PIK3CD: variants seen among roughly 807,000 people sequenced by gnomAD.
PIK3CD encodes phosphatidylinositol 4,5-bisphosphate 3-kinase catalytic subunit delta isoform.
In PIK3CD, 20 loss-of-function variants were observed where a neutral mutation model predicts 122.9. The observed-to-expected ratio is 0.16, with a 90% CI of 0.11 to 0.24. The LOEUF (loss-of-function observed/expected upper bound fraction) is 0.24. Ranked by LOEUF, PIK3CD falls within the 10% of genes least tolerant of loss-of-function variation. The pLI, the probability that PIK3CD is intolerant of heterozygous loss-of-function variation, is 1.00. For synonymous variants in PIK3CD, 596 were observed against 593.4 expected, an observed-to-expected ratio of 1.00 and a Z score of -0.06; for missense variants, 787 against 1,406.3, an observed-to-expected ratio of 0.56 and a Z score of 7.04.
At chr1:9,640,264 T>A in the PIK3CD span, among the ~76,000 whole-genome samples, 1 of 152,080 alleles carries the variant, frequency 6.6e-6, no homozygotes, top group Non-Finnish European at 1.5e-5. Context: ...TGGTTCCTTT[T>A]GTGGAGGAAA....
At chr1:9,638,503 C>T in the PIK3CD span, among the ~76,000 whole-genome samples, 83 of 151,990 alleles carry the variant, frequency 5.5e-4, 1 homozygote, top group Non-Finnish European at 9.1e-4. Context: ...GAGGCCGAGG[C>T]GGGCGGATCA....
the PIK3CD span, among the ~76,000 whole-genome samples, chr1:9,640,209 G>A: frequency 5.3e-5 from 8 of 151,882 alleles, no homozygotes; most frequent in African/African-American, 1.5e-4. Flanking sequence ...TCATCTGTCC[G>A]TTTCTTGCCC....
At chr1:9,664,302 G>T (rs899989399) in intron 1 of PIK3CD, among the ~76,000 whole-genome samples, 1 of 152,104 alleles carries the variant, frequency 6.6e-6, no homozygotes, top group African/African-American at 2.4e-5. Flanking sequence ...ACCTGCCTTG[G>T]CCTCCCAAAG....
chr1:9,669,852 G>A (rs772002600), intron 1 of PIK3CD, among the ~76,000 whole-genome samples: 27 of 152,156 alleles, frequency 1.8e-4, no homozygotes, highest in Middle Eastern at 3.4e-3. Flanking sequence ...CAACTTTCTC[G>A]TTACACATCC....
At chr1:9,690,315 T>C (rs1343055744) in intron 1 of PIK3CD, among the ~76,000 whole-genome samples, 1 of 152,220 alleles carries the variant, frequency 6.6e-6, no homozygotes, top group Non-Finnish European at 1.5e-5. Flanking sequence ...CCCGAATTCC[T>C]GAGGATGAAT....
chr1:9,674,504 A>G (rs191456501), intron 1 of PIK3CD, among the ~76,000 whole-genome samples: 125 of 152,068 alleles, frequency 8.2e-4, no homozygotes, highest in African/African-American at 2.9e-3. Context: ...AGTCTGACCA[A>G]TATGGTGAAA....
the PIK3CD span, among the ~76,000 whole-genome samples, chr1:9,638,224 G>A: frequency 2.0e-5 from 3 of 152,126 alleles, no homozygotes; most frequent in Non-Finnish European, 4.4e-5. Flanking sequence ...GATGGGTCTA[G>A]GAAAGATCCT....
chr1:9,665,340 C>T (rs1382039028), intron 1 of PIK3CD, among the ~76,000 whole-genome samples: 2 of 151,780 alleles, frequency 1.3e-5, no homozygotes, highest in African/African-American at 4.8e-5. Context: ...TCCAAAGCCC[C>T]AGTAGTTACC....
In PIK3CD at chr1:9,721,468, G is replaced by A. The variant is rs1348510519; in HGVS notation, c.1836G>A (p.Leu612=). 1 of 1,613,680 alleles carries A rather than the reference G, an allele frequency of 6.2e-7. No individual in the cohort carries two copies. Among genetic ancestry groups the A allele is most frequent in the Non-Finnish European group, 8.5e-7 (1 of 1,180,022 alleles). ...KLTDDELFQY[L]LQLVQVLKYE... is the part of the protein sequence containing the mutation. ...GGGACGATGAGCTGTTCCAGTACCT[G>A]CTGCAGCTGGTGCAGGTGCTCAAGT... The change falls in exon 15 of 24, where the codon CTG becomes CTA. Residue 612 remains leucine (L), a synonymous_variant. Coordinates refer to ENST00000377346, the MANE Select transcript of PIK3CD (RefSeq NM_005026.5).
the PIK3CD span, among the ~76,000 whole-genome samples, chr1:9,642,716 CA>C: frequency 3.7e-3 from 261 of 70,162 alleles, 1 homozygote; most frequent in Middle Eastern, 0.024. Context: ...GACTCTGTCT[CA>C]AAAAAAAAAA....
At chr1:9,678,153 A>C (rs964691825) in intron 1 of PIK3CD, among the ~76,000 whole-genome samples, 7 of 152,024 alleles carry the variant, frequency 4.6e-5, no homozygotes, top group South Asian at 2.1e-4. Context: ...TCAAAAAAAA[A>C]AAAAACAAAA....
chr1:9,727,173 T>C lies in PIK3CD; in HGVS notation c.*127T>C. On this transcript the variant is annotated 3_prime_UTR_variant, in exon 24 of 24. Transcript: ENST00000377346. The stretch of plus-strand genomic sequence containing the variant: ...GGAAAGAACCGACATGGCTGCCTTT[T>C]GTTTACACTGGTTATTTATTTATGA... 9.7e-7 allele frequency: 1 copy of C among 1,027,116 alleles called. No individual in the cohort carries two copies. Among genetic ancestry groups the C allele is most frequent in the Non-Finnish European group, 1.5e-6 (1 of 670,772 alleles). The allele number at this position is 1,027,116 out of a possible 1,614,324, so 63.6% of individuals were successfully genotyped here. A position where few individuals can be genotyped will look rare whatever the true frequency, so the allele number is the denominator to read the frequency against.
At chr1:9,633,495 G>A in the PIK3CD span, among the ~76,000 whole-genome samples, 53 of 152,064 alleles carry the variant, frequency 3.5e-4, no homozygotes, top group African/African-American at 1.2e-3. Flanking sequence ...TTTTAGTAGA[G>A]ACGGGGTTTC....
chr1:9,635,973 C>T, the PIK3CD span, among the ~76,000 whole-genome samples: 9 of 152,188 alleles, frequency 5.9e-5, no homozygotes, highest in Admixed American at 3.9e-4. Context: ...AAGAGGGATT[C>T]GCTCTGACTT....
the PIK3CD span, among the ~76,000 whole-genome samples, chr1:9,638,913 C>T: frequency 1.3e-5 from 2 of 151,488 alleles, no homozygotes; most frequent in African/African-American, 2.4e-5. Context: ...GGAGCTGGGA[C>T]TACAGGTGCC....
rs748293821 is a variant in PIK3CD at position 9,716,484 on chromosome 1, G to T, written c.645G>T (p.Ala215=). ...FQVSTKDVPL[A]LMACALRKKA... ...TGTCCACCAAGGACGTGCCGCTGGC[G>T]CTGATGGCCTGTGCCCTGCGGAAGA... The change falls in exon 6 of 24, where the codon GCG becomes GCT. Residue 215 remains alanine (A), a synonymous_variant. Transcript: ENST00000377346. 5.6e-6 allele frequency: 9 copies of T among 1,610,986 alleles called. 1 individual carries two copies. Among genetic ancestry groups the T allele is most frequent in the Non-Finnish European group, 7.6e-6 (9 of 1,179,936 alleles).
At chr1:9,647,065 C>T (rs963495517), upstream of PIK3CD, among the ~76,000 whole-genome samples, 5 of 150,828 alleles carry the variant, frequency 3.3e-5, no homozygotes, top group South Asian at 2.1e-4. Context: ...GAGCCGAGAT[C>T]GTGTCATTGC....
Position 9,723,155 on chromosome 1 carries a change from G to A in PIK3CD, c.2457G>A (p.Gly819=). 6.2e-7 allele frequency: 1 copy of A among 1,613,666 alleles called. No homozygotes were observed. Among genetic ancestry groups the A allele is most frequent in the South Asian group, 1.1e-5 (1 of 91,088 alleles). ...RMTPYGCLPT[G]DRTGLIEVVL... ...CCCCCTATGGCTGCCTCCCCACCGG[G>A]GACCGCACAGGCCTCATTGAGGTGG... The change falls in exon 20 of 24, where the codon GGG becomes GGA. Residue 819 remains glycine (G), a synonymous_variant. Coordinates refer to ENST00000377346, the MANE Select transcript of PIK3CD (RefSeq NM_005026.5). The surrounding 1 kb of genome is among the most constrained non-coding windows in gnomAD (Gnocchi z 4.9).
At chr1:9,699,771 T>A (rs1464849181) in intron 2 of PIK3CD, among the ~76,000 whole-genome samples, 2 of 152,146 alleles carry the variant, frequency 1.3e-5, no homozygotes. Context: ...TTGTATTTTT[T>A]AAATAGAGAC....
Sources: allele counts gnomAD v4.1 joint callset (sites outside exome capture counted in the v4.1 genomes callset), GRCh38; gene constraint gnomAD v4.1.1; non-coding constraint Gnocchi (gnomAD v3.1); transcripts MANE v1.5; gene names NCBI Gene and HGNC (gene_info 2026-07-23, HGNC 2026-07-21).